Variants in PHACTR1 observed in about 807,000 individuals in gnomAD.
The protein encoded by PHACTR1 is RPEL repeat containing 1.
Under a neutral mutation model 69.2 loss-of-function variants are expected in PHACTR1, and 16 were observed. The ratio of observed to expected loss-of-function variants is 0.23; its 90% CI spans 0.16 to 0.35. The LOEUF (loss-of-function observed/expected upper bound fraction) is 0.35. PHACTR1 is among the 10% of genes least tolerant of loss of function. The pLI is 1.00. For missense variants in PHACTR1, 510 were observed against 734.7 expected (o/e 0.69, Z 3.54); for synonymous variants, 312 against 284.5 (o/e 1.10, Z -0.97).
intron 4 of PHACTR1, among the ~76,000 whole-genome samples, chr6:13,012,650 A>G (rs1799571742): frequency 6.6e-6 from 1 of 152,178 alleles, no homozygotes; most frequent in Non-Finnish European, 1.5e-5. Context: ...GACCTACTAA[A>G]CCAGAATATC....
chr6:13,172,489 GC>G (rs1407303471), intron 6 of PHACTR1, among the ~76,000 whole-genome samples: 2 of 152,174 alleles, frequency 1.3e-5, no homozygotes, highest in African/African-American at 4.8e-5. Flanking sequence ...AGGGGAAGCA[GC>G]CCAGACTCCA....
chr6:13,262,969 G>A (rs1776106442), intron 10 of PHACTR1, among the ~76,000 whole-genome samples: 1 of 152,174 alleles, frequency 6.6e-6, no homozygotes. Flanking sequence ...ATAAGCAGTT[G>A]TAAATGCTAA....
chr6:13,286,368 C>T, intron 14 of PHACTR1, 146 bp downstream of exon 14: 1 of 654,452 alleles, frequency 1.5e-6, no homozygotes, highest in South Asian at 2.2e-5. Flanking sequence ...TGCGGTTCCA[C>T]TTTAGGTTAC....
chr6:12,985,541 A>AAATATATATAT (rs1179784179), intron 4 of PHACTR1, among the ~76,000 whole-genome samples: 1 of 132,766 alleles, frequency 7.5e-6, no homozygotes, highest in African/African-American at 2.9e-5. Flanking sequence ...AAAAAAAAAA[A>AAATATATATAT]ATATATATAT....
At chr6:13,240,411 C>T (rs1021706830) in intron 10 of PHACTR1, among the ~76,000 whole-genome samples, 7 of 151,706 alleles carry the variant, frequency 4.6e-5, no homozygotes, top group East Asian at 1.9e-4. Context: ...TTAGGATATT[C>T]GTTGTGGGTT....
chr6:13,033,744 G>A (rs1802822478), intron 4 of PHACTR1, among the ~76,000 whole-genome samples: 1 of 152,142 alleles, frequency 6.6e-6, no homozygotes, highest in Non-Finnish European at 1.5e-5. Context: ...AACTATTCTA[G>A]AAAAGAACTT....
intron 7 of PHACTR1, among the ~76,000 whole-genome samples, chr6:13,192,362 A>G (rs1185498161): frequency 6.6e-6 from 1 of 152,204 alleles, no homozygotes; most frequent in African/African-American, 2.4e-5. Context: ...GATGCAAAGG[A>G]CACACAGGCA....
At chr6:13,076,222 A>G (rs1181617874) in intron 5 of PHACTR1, among the ~76,000 whole-genome samples, 2 of 152,190 alleles carry the variant, frequency 1.3e-5, no homozygotes, top group Admixed American at 1.3e-4. Flanking sequence ...GAAGAAATAG[A>G]ACTGGCAGCC....
At chr6:13,147,890 G>A (rs957256314) in intron 5 of PHACTR1, among the ~76,000 whole-genome samples, 3 of 152,086 alleles carry the variant, frequency 2.0e-5, no homozygotes, top group African/African-American at 7.2e-5. Flanking sequence ...TGTAACCACT[G>A]CCCAAGTCAA....
intron 11 of PHACTR1, 93 bp from the exon 12 acceptor site, chr6:13,278,175 A>G: frequency 8.3e-7 from 1 of 1,201,624 alleles, no homozygotes; most frequent in Non-Finnish European, 1.2e-6. Flanking sequence ...TTAAAATGAG[A>G]TGCTTGGCCT....
intron 5 of PHACTR1, among the ~76,000 whole-genome samples, chr6:13,081,465 G>A (rs183270847): frequency 1.3e-5 from 2 of 152,230 alleles, no homozygotes; most frequent in Middle Eastern, 3.4e-3. Context: ...TTTGCACAAT[G>A]CCCTTCCGAA....
At chr6:12,735,133 C>T (rs1189462947) in intron 3 of PHACTR1, among the ~76,000 whole-genome samples, 1 of 152,156 alleles carries the variant, frequency 6.6e-6, no homozygotes, top group Non-Finnish European at 1.5e-5. Flanking sequence ...GAAAATTTAA[C>T]TGAGGCTTTC....
intron 4 of PHACTR1, among the ~76,000 whole-genome samples, chr6:13,000,272 G>T (rs1278220526): frequency 1.3e-5 from 2 of 152,202 alleles, no homozygotes; most frequent in Non-Finnish European, 2.9e-5. Context: ...GGATGACCCT[G>T]TGCTGTGGCT....
chr6:12,823,204 G>A (rs939993153), intron 4 of PHACTR1, among the ~76,000 whole-genome samples: 4 of 152,136 alleles, frequency 2.6e-5, no homozygotes, highest in Admixed American at 6.5e-5. Flanking sequence ...TGCAAAATGG[G>A]AAGAATAAGT....
chr6:13,168,624 T>C (rs1219991224), intron 6 of PHACTR1, among the ~76,000 whole-genome samples: 2 of 152,104 alleles, frequency 1.3e-5, no homozygotes, highest in East Asian at 1.9e-4. Context: ...TTCAGGTGCA[T>C]GTGGAAGCAT....
intron 11 of PHACTR1, among the ~76,000 whole-genome samples, chr6:13,277,726 T>C (rs1263565224): frequency 2.0e-5 from 3 of 152,114 alleles, no homozygotes; most frequent in East Asian, 1.9e-4. Flanking sequence ...GGCAGGAGGA[T>C]TGCTTGATGC....
intron 4 of PHACTR1, among the ~76,000 whole-genome samples, chr6:12,864,636 C>A (rs775023867): frequency 6.6e-6 from 1 of 150,910 alleles, no homozygotes; most frequent in Admixed American, 6.6e-5. Flanking sequence ...GCTGAGATTG[C>A]GCCACTGAAC....
chr6:13,240,516 C>T (rs534607538), intron 10 of PHACTR1, among the ~76,000 whole-genome samples: 1 of 152,134 alleles, frequency 6.6e-6, no homozygotes, highest in Non-Finnish European at 1.5e-5. Flanking sequence ...GCAATCTTGG[C>T]TCACTGCAAC....
At position 13,283,759 on chromosome 6, in the gene PHACTR1, C is replaced by T. The variant is rs1018434223; in HGVS notation, c.1650+197C>T. On this transcript the variant is annotated intron_variant, in intron 13 of 14. Transcript: ENST00000332995. The surrounding 1 kb of genome is among the most constrained non-coding windows in gnomAD (Gnocchi z 4.7). ...AAAGGCTGCTGAATCGGAGAAAACA[C>T]AAGGCACATAATACTGTGCCCATTT... 10 of 743,334 alleles carry T rather than the reference C, an allele frequency of 1.3e-5. No homozygotes were observed. Among genetic ancestry groups the T allele is most frequent in the South Asian group, 1.1e-4 (6 of 57,018 alleles). The allele number at this position is 743,334 out of a possible 1,614,324, so 46.0% of individuals were successfully genotyped here. A position where few individuals can be genotyped will look rare whatever the true frequency, so the allele number is the denominator to read the frequency against.
Sources: allele counts gnomAD v4.1 joint callset (sites outside exome capture counted in the v4.1 genomes callset), GRCh38; gene constraint gnomAD v4.1.1; non-coding constraint Gnocchi (gnomAD v3.1); transcripts MANE v1.5; gene names NCBI Gene and HGNC (gene_info 2026-07-23, HGNC 2026-07-21).